FHIT: variants seen among roughly 807,000 people sequenced by gnomAD.
The protein encoded by FHIT is bis(5'-adenosyl)-triphosphatase.
A neutral mutation model predicts 17.9 loss-of-function variants in FHIT; 19 were observed. The ratio of observed to expected loss-of-function variants is 1.06; its 90% CI spans 0.74 to 1.56. The LOEUF (loss-of-function observed/expected upper bound fraction) is 1.56. Among genes scored for constraint, FHIT ranks in the 40% most tolerant of loss-of-function variants. The pLI is 0.00. For missense variants in FHIT, 248 were observed against 189.2 expected (o/e 1.31, Z -1.82); for synonymous variants, 81 against 69.7 (o/e 1.16, Z -0.81).
chr3:60,715,269 T>G (rs1318264453), intron 4 of FHIT, among the ~76,000 whole-genome samples: 3 of 152,112 alleles, frequency 2.0e-5, no homozygotes, highest in African/African-American at 4.8e-5. Context: ...TCTTACACCT[T>G]ATACAAAAAT....
chr3:59,776,470 T>C (rs1702324056), intron 8 of FHIT, among the ~76,000 whole-genome samples: 1 of 152,118 alleles, frequency 6.6e-6, no homozygotes. Context: ...GCACAGGCTA[T>C]GTGCAAAGTA....
intron 4 of FHIT, among the ~76,000 whole-genome samples, chr3:60,624,322 T>G (rs1254604925): frequency 6.6e-6 from 1 of 152,190 alleles, no homozygotes; most frequent in Non-Finnish European, 1.5e-5. Context: ...TTGACAATGA[T>G]GAACACATAT....
intron 8 of FHIT, among the ~76,000 whole-genome samples, chr3:59,884,965 T>A (rs1302425885): frequency 6.6e-6 from 1 of 152,172 alleles, no homozygotes; most frequent in Non-Finnish European, 1.5e-5. Context: ...TGAACTTAAG[T>A]CAACTATTCC....
chr3:60,508,314 CAATA>C (rs1482130320), intron 5 of FHIT, among the ~76,000 whole-genome samples: 2 of 152,160 alleles, frequency 1.3e-5, no homozygotes, highest in Admixed American at 1.3e-4. Context: ...ATAGATCTTA[CAATA>C]AAGAAGGAAT....
intron 1 of FHIT, among the ~76,000 whole-genome samples, chr3:61,205,101 A>T (rs902625275): frequency 2.1e-4 from 32 of 151,532 alleles, no homozygotes; most frequent in Non-Finnish European, 2.9e-4. Flanking sequence ...GATAGTTTGC[A>T]GAGAATGATG....
In FHIT at chr3:60,324,573, G is replaced by GAAA. The variant is rs4022385; in HGVS notation, c.103+212284_103+212286dup. On this transcript the variant is annotated intron_variant, in intron 5 of 9. Coordinates refer to ENST00000492590, the MANE Select transcript of FHIT (RefSeq NM_002012.4). ...TGGGTGACAGAGCGAGACTCCATCAGAAAAAAAAAAAAAAGAATTCCAGTT... is the reference window on the plus strand; with the variant it reads ...TGGGTGACAGAGCGAGACTCCATCAGAAAAAAAAAAAAAAAAAGAATTCCAGTT... Among the ~76,000 whole-genome samples, 58 of 128,854 alleles carry GAAA rather than the reference G, an allele frequency of 4.5e-4. 5 individuals carry two copies. The highest frequency in any genetic ancestry group is 4.1e-3 in the Middle Eastern group (1 of 242). The allele number at this position is 128,854 out of a possible 152,430, so 84.5% of individuals were successfully genotyped here.
At chr3:60,620,646 G>C (rs1258543220) in intron 4 of FHIT, among the ~76,000 whole-genome samples, 1 of 152,000 alleles carries the variant, frequency 6.6e-6, no homozygotes, top group African/African-American at 2.4e-5. Flanking sequence ...GCTCAGAGGA[G>C]GGGGAGGGAA....
intron 5 of FHIT, among the ~76,000 whole-genome samples, chr3:60,221,122 C>T (rs1255903623): frequency 6.6e-6 from 1 of 152,138 alleles, no homozygotes; most frequent in Non-Finnish European, 1.5e-5. Flanking sequence ...AATCATGTAA[C>T]TGTGTATTCA....
chr3:60,985,092 T>C (rs532222111), intron 3 of FHIT, among the ~76,000 whole-genome samples: 1 of 152,192 alleles, frequency 6.6e-6, no homozygotes, highest in South Asian at 2.1e-4. Context: ...TGTGCCCCCA[T>C]CACTACAGAA....
chr3:60,741,968 G>C (rs1272842224), intron 4 of FHIT, among the ~76,000 whole-genome samples: 4 of 152,276 alleles, frequency 2.6e-5, no homozygotes, highest in Middle Eastern at 3.4e-3. Flanking sequence ...AGGTCAGAAG[G>C]TTGCAACTCA....
At chr3:61,041,300 C>T (rs920877223) in intron 3 of FHIT, among the ~76,000 whole-genome samples, 3 of 151,912 alleles carry the variant, frequency 2.0e-5, no homozygotes, top group African/African-American at 4.8e-5. Context: ...TCACTTGAAC[C>T]TGGGAGGCAG....
rs544181284 is a variant in FHIT at position 59,757,103 on chromosome 3, A to G, written c.349-4782T>C. 3.3e-5 allele frequency among the ~76,000 whole-genome samples: 5 copies of G among 152,236 alleles called. No individual in the cohort carries two copies. In the East Asian group the frequency reaches 5.8e-4, roughly 18 times the overall value. ...ACTCTGCTTGCTCTGAAAATGCTCA[A>G]CACCAACGCTGATGTATTACATACT... On this transcript the variant is annotated intron_variant, in intron 8 of 9. Transcript: ENST00000492590.
At chr3:61,140,523 G>A (rs2037050957) in intron 2 of FHIT, among the ~76,000 whole-genome samples, 1 of 152,118 alleles carries the variant, frequency 6.6e-6, no homozygotes, top group African/African-American at 2.4e-5. Flanking sequence ...TTGAGGGCAG[G>A]AACTATCTGG....
intron 8 of FHIT, among the ~76,000 whole-genome samples, chr3:59,902,233 A>G (rs113949996): frequency 0.016 from 2,385 of 152,322 alleles, 71 homozygotes; most frequent in African/African-American, 0.054. Context: ...GGAAATGGAA[A>G]TAAAAACCAC....
At chr3:60,912,781 T>C (rs372461756) in intron 3 of FHIT, 15 of 516,408 alleles carry the variant, frequency 2.9e-5, no homozygotes, top group Admixed American at 2.2e-4. Flanking sequence ...CTCAAAGTCC[T>C]TTCCTTTGTC....
chr3:60,930,931 A>G (rs1226825372), intron 3 of FHIT, among the ~76,000 whole-genome samples: 8 of 152,238 alleles, frequency 5.3e-5, no homozygotes, highest in African/African-American at 1.9e-4. Flanking sequence ...TTATTGCGGC[A>G]CTATTTACAA....
At chr3:60,764,883 G>T (rs1553720966) in intron 4 of FHIT, among the ~76,000 whole-genome samples, 1 of 151,908 alleles carries the variant, frequency 6.6e-6, no homozygotes, top group Admixed American at 6.6e-5. Context: ...AGTACAAATA[G>T]AGGTAACATA....
At chr3:60,605,109 C>CAGAGAGAG (rs200088355) in intron 4 of FHIT, among the ~76,000 whole-genome samples, 2 of 151,972 alleles carry the variant, frequency 1.3e-5, no homozygotes, top group African/African-American at 4.8e-5. Context: ...AACACACACA[C>CAGAGAGAG]ACAGAGAGAG....
chr3:60,713,185 C>T (rs566566539), intron 4 of FHIT, among the ~76,000 whole-genome samples: 13 of 152,004 alleles, frequency 8.6e-5, no homozygotes, highest in Middle Eastern at 3.4e-3. Flanking sequence ...CTACTGGGTA[C>T]ATAATGAAAT....
Sources: allele counts gnomAD v4.1 joint callset (sites outside exome capture counted in the v4.1 genomes callset), GRCh38; gene constraint gnomAD v4.1.1; transcripts MANE v1.5; gene names NCBI Gene and HGNC (gene_info 2026-07-23, HGNC 2026-07-21).